TAOK3: variants seen among roughly 807,000 people sequenced by gnomAD.
The protein encoded by TAOK3 is serine/threonine-protein kinase TAO3.
Under a neutral mutation model 120.4 loss-of-function variants are expected in TAOK3, and 40 were observed. That is an observed-to-expected ratio of 0.33 (90% CI 0.26 to 0.43). The LOEUF (loss-of-function observed/expected upper bound fraction) is 0.43, where lower values mean the gene tolerates loss of function less well. Among genes scored for constraint, TAOK3 ranks in the 20% least tolerant of loss-of-function variants. The pLI is 1.00. For synonymous variants in TAOK3, 355 were observed against 387.5 expected (o/e 0.92, Z 0.99); for missense variants, 821 against 1,112.1 (o/e 0.74, Z 3.72).
chr12:118,153,011 A>G (rs795482), intron 19 of TAOK3, among the ~76,000 whole-genome samples: 70,181 of 152,042 alleles, frequency 0.46, 16,867 homozygotes, highest in Non-Finnish European at 0.52. Context: ...ATAAAACTTG[A>G]GGAATATACC....
intron 3 of TAOK3, among the ~76,000 whole-genome samples, chr12:118,253,486 C>T (rs1409455322): frequency 1.3e-5 from 2 of 152,104 alleles, no homozygotes; most frequent in Non-Finnish European, 2.9e-5. Flanking sequence ...CCTGTAATCC[C>T]AGCACTTTGG....
intron 1 of TAOK3, among the ~76,000 whole-genome samples, chr12:118,309,822 T>C (rs2043198945): frequency 6.6e-6 from 1 of 152,086 alleles, no homozygotes; most frequent in Non-Finnish European, 1.5e-5. Flanking sequence ...CGCCACATGG[T>C]GGTTTTCTTT....
At chr12:118,293,940 G>T (rs181453868) in intron 1 of TAOK3, among the ~76,000 whole-genome samples, 2 of 152,002 alleles carry the variant, frequency 1.3e-5, no homozygotes, top group East Asian at 3.9e-4. Context: ...GCTTGAACCC[G>T]GGAGGCAGAG....
intron 1 of TAOK3, among the ~76,000 whole-genome samples, chr12:118,330,798 CAGA>C (rs1459753184): frequency 1.3e-5 from 2 of 149,414 alleles, no homozygotes; most frequent in Non-Finnish European, 3.0e-5. Context: ...CAGAAAGGGG[CAGA>C]AGGTTAAAAA....
intron 11 of TAOK3, among the ~76,000 whole-genome samples, chr12:118,206,497 T>G (rs2038319436): frequency 6.6e-6 from 1 of 152,224 alleles, no homozygotes; most frequent in African/African-American, 2.4e-5. Context: ...CTAGGTACAT[T>G]CTAGGTAATT....
At chr12:118,315,743 A>G (rs1280256112) in intron 1 of TAOK3, among the ~76,000 whole-genome samples, 2 of 152,254 alleles carry the variant, frequency 1.3e-5, no homozygotes, top group Non-Finnish European at 2.9e-5. Context: ...TGAAAGTGAT[A>G]GGATTGAATA....
chr12:118,241,736 G>A (rs2040259749), intron 5 of TAOK3, among the ~76,000 whole-genome samples: 3 of 152,140 alleles, frequency 2.0e-5, no homozygotes. Flanking sequence ...CAGTTCCTTA[G>A]AGCTCTTTCT....
chr12:118,346,555 T>C (rs1462566704), intron 1 of TAOK3, among the ~76,000 whole-genome samples: 1 of 152,196 alleles, frequency 6.6e-6, no homozygotes, highest in African/African-American at 2.4e-5. Flanking sequence ...TAAACTAATT[T>C]TTAAACAAAA....
intron 13 of TAOK3, among the ~76,000 whole-genome samples, chr12:118,197,534 C>A (rs1215225051): frequency 6.6e-6 from 1 of 152,086 alleles, no homozygotes; most frequent in Non-Finnish European, 1.5e-5. Context: ...GGTTGCCTAT[C>A]TGAGAAGTCC....
intron 11 of TAOK3, among the ~76,000 whole-genome samples, chr12:118,201,883 T>G (rs924346398): frequency 6.6e-6 from 1 of 151,934 alleles, no homozygotes; most frequent in African/African-American, 2.4e-5. Context: ...TCAACTATAG[T>G]CCTCATGCTG....
Position 118,161,721 on chromosome 12 carries a change from G to T in TAOK3, c.2139+67C>A. 1.9e-6 allele frequency: 3 copies of T among 1,582,524 alleles called. No homozygotes were observed. In the South Asian group the frequency reaches 3.4e-5, roughly 18 times the overall value. ...TGTGATTCTGAAAAGTTGCTCAGGTGACTCTGACACTTCAGGTAGAGAAAC... is the reference window on the plus strand; with the variant it reads ...TGTGATTCTGAAAAGTTGCTCAGGTTACTCTGACACTTCAGGTAGAGAAAC... On this transcript the variant is annotated intron_variant, in intron 18 of 20. Transcript: ENST00000392533. The surrounding 1 kb of genome is among the most constrained non-coding windows in gnomAD (Gnocchi z 4.5).
At chr12:118,318,948 A>G (rs2043587296) in intron 1 of TAOK3, among the ~76,000 whole-genome samples, 1 of 152,230 alleles carries the variant, frequency 6.6e-6, no homozygotes, top group African/African-American at 2.4e-5. Context: ...AGAGAACATT[A>G]CACTCAATGA....
intron 5 of TAOK3, among the ~76,000 whole-genome samples, chr12:118,240,359 A>C (rs1022765385): frequency 6.6e-6 from 1 of 151,802 alleles, no homozygotes; most frequent in Non-Finnish European, 1.5e-5. Context: ...TTGTATTTTT[A>C]GTAGAGACGG....
chr12:118,233,517 T>C (rs1187001051), intron 9 of TAOK3, among the ~76,000 whole-genome samples, 157 bp downstream of exon 9: 4 of 152,040 alleles, frequency 2.6e-5, no homozygotes, highest in Non-Finnish European at 5.9e-5. Flanking sequence ...AAAAATCTAA[T>C]AAATTCGCAT....
At chr12:118,162,092 A>G (rs754600400) in intron 17 of TAOK3, 65 bp from the exon 18 acceptor site, 2 of 1,584,236 alleles carry the variant, frequency 1.3e-6, no homozygotes, top group Non-Finnish European at 1.7e-6. Context: ...GGAATGCACA[A>G]CTAAGTGAGG....
rs183527546 is a variant in TAOK3, at chr12:118,291,438, G to A, written c.-193-24679C>T. ...GGCCTCCCAAAGTGCTGGGATTACA[G>A]GTGTGAGCCACCGTGCCCAGCGGGG... is the stretch of plus-strand genomic sequence containing the variant. On this transcript the variant is annotated intron_variant, in intron 1 of 20. Coordinates refer to ENST00000392533, the MANE Select transcript of TAOK3 (RefSeq NM_016281.4). Among the ~76,000 whole-genome samples the A allele has an allele frequency of 6.8e-3, 1,039 of 152,290 alleles. 6 individuals are homozygous for A. Among genetic ancestry groups the A allele is most frequent in the Admixed American group, 0.013 (192 of 15,294 alleles).
At chr12:118,200,039 CAT>C (rs757820625) in intron 12 of TAOK3, 10 of 152,078 alleles carry the variant, frequency 6.6e-5, no homozygotes, top group Non-Finnish European at 1.3e-4. Context: ...ATATGGTACA[CAT>C]ATAACTTTAA....
chr12:118,303,913 G>A (rs1300313636), intron 1 of TAOK3, among the ~76,000 whole-genome samples: 1 of 152,224 alleles, frequency 6.6e-6, no homozygotes, highest in African/African-American at 2.4e-5. Flanking sequence ...CTCCCAAAGT[G>A]TTGGGATTAC....
intron 1 of TAOK3, among the ~76,000 whole-genome samples, chr12:118,274,037 T>C (rs1393656357): frequency 6.6e-6 from 1 of 152,080 alleles, no homozygotes; most frequent in African/African-American, 2.4e-5. Flanking sequence ...CGAAGTCACA[T>C]AGTTAGGACT....
Sources: gnomAD v4.1 joint callset for allele counts (sites outside exome capture counted in the v4.1 genomes callset) on GRCh38, gnomAD v4.1.1 for gene constraint, Gnocchi (gnomAD v3.1) non-coding constraint, MANE v1.5 for transcripts, NCBI Gene and HGNC (gene_info 2026-07-23, HGNC 2026-07-21) for gene names.